Variants in SLC24A2 observed in about 807,000 individuals in gnomAD.
SLC24A2 encodes sodium/potassium/calcium exchanger 2.
In SLC24A2, 36 loss-of-function variants were observed where a neutral mutation model predicts 62.0. The ratio of observed to expected loss-of-function variants is 0.58; its 90% CI spans 0.44 to 0.77. The LOEUF is 0.77. Among genes scored for constraint, SLC24A2 ranks in the 30% least tolerant of loss-of-function variants. The pLI, the probability that SLC24A2 is intolerant of heterozygous loss-of-function variation, is 0.00. For missense variants in SLC24A2, 846 were observed against 817.9 expected, an observed-to-expected ratio of 1.03 and a Z score of -0.42; for synonymous variants, 358 against 294.0, an observed-to-expected ratio of 1.22 and a Z score of -2.23.
At chr9:19,532,511 T>A (rs1238473807) in intron 8 of SLC24A2, among the ~76,000 whole-genome samples, 2 of 152,218 alleles carry the variant, frequency 1.3e-5, no homozygotes, top group African/African-American at 4.8e-5. Context: ...TGTATTAAAA[T>A]TTTTTTCCTG....
the SLC24A2 span, among the ~76,000 whole-genome samples, chr9:20,206,029 C>T: frequency 2.6e-5 from 4 of 152,072 alleles, no homozygotes; most frequent in South Asian, 8.3e-4. Flanking sequence ...ATGACTAATA[C>T]CTAATGTTAC....
chr9:19,691,737 CT>C (rs1820052547), intron 2 of SLC24A2, among the ~76,000 whole-genome samples: 1 of 152,072 alleles, frequency 6.6e-6, no homozygotes, highest in South Asian at 2.1e-4. Flanking sequence ...CACCTAAAAT[CT>C]TTTCAAATGT....
chr9:19,816,832 C>A, the SLC24A2 span, among the ~76,000 whole-genome samples: 2 of 151,908 alleles, frequency 1.3e-5, no homozygotes, highest in Admixed American at 6.6e-5. Flanking sequence ...TCATGAGAAA[C>A]TCACTCCCAT....
chr9:19,809,851 C>T, the SLC24A2 span, among the ~76,000 whole-genome samples: 1 of 152,098 alleles, frequency 6.6e-6, no homozygotes, highest in African/African-American at 2.4e-5. Flanking sequence ...TGGAAGTTCC[C>T]TCTCTCTATA....
chr9:20,066,302 T>G, the SLC24A2 span, among the ~76,000 whole-genome samples: 1 of 152,222 alleles, frequency 6.6e-6, no homozygotes, highest in Non-Finnish European at 1.5e-5. Flanking sequence ...GCTCTCATTC[T>G]GAGCAGCAGA....
chr9:19,538,882 G>T (rs1452102970), intron 8 of SLC24A2, among the ~76,000 whole-genome samples: 5 of 126,838 alleles, frequency 3.9e-5, no homozygotes, highest in African/African-American at 6.1e-5. Context: ...CAATTTCAGA[G>T]CCTGTTATTG....
intron 2 of SLC24A2, among the ~76,000 whole-genome samples, chr9:19,637,959 T>A (rs1468020458): frequency 6.6e-6 from 1 of 152,214 alleles, no homozygotes; most frequent in Non-Finnish European, 1.5e-5. Context: ...CTAGCTTCTG[T>A]TGAAAAATGT....
chr9:20,246,925 C>G, the SLC24A2 span, among the ~76,000 whole-genome samples: 2 of 152,218 alleles, frequency 1.3e-5, no homozygotes, highest in African/African-American at 4.8e-5. Flanking sequence ...TTTGTTCTAC[C>G]TTAACTATGC....
the SLC24A2 span, among the ~76,000 whole-genome samples, chr9:19,871,352 G>C: frequency 6.6e-6 from 1 of 152,164 alleles, no homozygotes; most frequent in South Asian, 2.1e-4. Flanking sequence ...TTATGTTGAT[G>C]GTACTTTGGG....
In SLC24A2 at chr9:19,509,358, C is replaced by G. The variant is rs1433101234; in HGVS notation, c.*6795G>C. The G allele has an allele frequency of 6.6e-6, 1 of 151,982 alleles. No individual in the cohort carries two copies. The allele number at this position is 151,982 out of a possible 1,614,324, so 9.4% of individuals were successfully genotyped here. A position where few individuals can be genotyped will look rare whatever the true frequency, so the allele number is the denominator to read the frequency against. The stretch of plus-strand genomic sequence containing the variant: ...AAATGTATAAGTAGATTAGGATTGC[C>G]TAGAACAATAATTGTAGTTAATAAA... On this transcript the variant is annotated 3_prime_UTR_variant, in exon 11 of 11. Transcript: ENST00000341998.
chr9:19,800,427 C>T, the SLC24A2 span, among the ~76,000 whole-genome samples: 1 of 152,158 alleles, frequency 6.6e-6, no homozygotes, highest in African/African-American at 2.4e-5. Flanking sequence ...TATTATTGAG[C>T]TCTGGAACTT....
the SLC24A2 span, among the ~76,000 whole-genome samples, chr9:20,181,949 C>T: frequency 6.6e-6 from 1 of 151,844 alleles, no homozygotes; most frequent in Non-Finnish European, 1.5e-5. Flanking sequence ...GAAAAAACCC[C>T]ATTGAAAAGT....
the SLC24A2 span, among the ~76,000 whole-genome samples, chr9:20,252,749 C>A: frequency 1.3e-5 from 2 of 152,162 alleles, no homozygotes; most frequent in African/African-American, 4.8e-5. Flanking sequence ...TTTCCCCTTG[C>A]TCCTTCTCAA....
At chr9:20,043,859 G>T in the SLC24A2 span, among the ~76,000 whole-genome samples, 108 of 152,300 alleles carry the variant, frequency 7.1e-4, 1 homozygote, top group Non-Finnish European at 1.2e-3. Context: ...GGTTTTGAGA[G>T]GACTGACCGA....
At chr9:20,234,366 G>A in the SLC24A2 span, among the ~76,000 whole-genome samples, 2 of 151,910 alleles carry the variant, frequency 1.3e-5, no homozygotes, top group African/African-American at 2.4e-5. Context: ...AGATACACCA[G>A]TCAGACGTAG....
At chr9:20,003,629 G>T in the SLC24A2 span, among the ~76,000 whole-genome samples, 1 of 152,148 alleles carries the variant, frequency 6.6e-6, no homozygotes, top group African/African-American at 2.4e-5. Context: ...AATGTCAGGG[G>T]TTGGCATTTA....
At chr9:20,170,013 G>T in the SLC24A2 span, among the ~76,000 whole-genome samples, 1 of 151,728 alleles carries the variant, frequency 6.6e-6, no homozygotes, top group Non-Finnish European at 1.5e-5. Flanking sequence ...GAAACAATTG[G>T]CACACTTATA....
At chr9:20,268,858 G>T in the SLC24A2 span, among the ~76,000 whole-genome samples, 1 of 152,150 alleles carries the variant, frequency 6.6e-6, no homozygotes, top group South Asian at 2.1e-4. Context: ...TGGTATGTGT[G>T]TGGAGGAACT....
At chr9:19,754,826 G>A (rs1026602916) in intron 2 of SLC24A2, among the ~76,000 whole-genome samples, 1 of 152,036 alleles carries the variant, frequency 6.6e-6, no homozygotes, top group Non-Finnish European at 1.5e-5. Flanking sequence ...TGCTCGACAG[G>A]CAGAAGCAGC....
Sources: gnomAD v4.1 joint callset for allele counts (sites outside exome capture counted in the v4.1 genomes callset) on GRCh38, gnomAD v4.1.1 for gene constraint, MANE v1.5 for transcripts, NCBI Gene and HGNC (gene_info 2026-07-23, HGNC 2026-07-21) for gene names.